Variants in ZNF248 observed in about 807,000 individuals in gnomAD.
ZNF248 encodes the protein zinc finger protein 248.
ZNF248 carries 20 observed loss-of-function variants against 44.3 expected under a neutral mutation model. That is an observed-to-expected ratio of 0.45 (90% CI 0.32 to 0.66). The LOEUF is 0.66. Among genes scored for constraint, ZNF248 ranks in the 30% least tolerant of loss-of-function variants. ZNF248 has a pLI of 0.04. For missense variants in ZNF248, 654 were observed against 677.0 expected, an observed-to-expected ratio of 0.97 and a Z score of 0.38; for synonymous variants, 224 against 229.0, an observed-to-expected ratio of 0.98 and a Z score of 0.20.
chr10:37,856,872 T>C, intron 1 of ZNF248: 1 of 239,718 alleles, frequency 4.2e-6, no homozygotes, highest in Non-Finnish European at 6.7e-6. Flanking sequence ...ACTTCTAATC[T>C]CAGTTCTGCC....
chr10:37,773,988 TAC>T (rs139568981), downstream of ZNF248, among the ~76,000 whole-genome samples: 160 of 148,902 alleles, frequency 1.1e-3, no homozygotes, highest in African/African-American at 3.1e-3. Flanking sequence ...TGAAAATGAA[TAC>T]ACACACACAC....
Position 37,829,011 on chromosome 10 carries a change from T to G in ZNF248, c.*2604A>C, listed in dbSNP as rs1393127141. On this transcript the variant is annotated 3_prime_UTR_variant, in exon 6 of 6. Coordinates refer to ENST00000395867, the MANE Select transcript of ZNF248 (RefSeq NM_021045.3). ...ACTTTATTTCTAACACTGAGCCTTCTACATAGGAATTTACAGAAATGAATA... is the reference window on the plus strand; with the variant it reads ...ACTTTATTTCTAACACTGAGCCTTCGACATAGGAATTTACAGAAATGAATA... 1.0e-6 allele frequency: 1 copy of G among 985,370 alleles called. No individual in the cohort carries two copies. The highest frequency in any genetic ancestry group is 4.7e-5 in the South Asian group (1 of 21,296). 61.0% of individuals were successfully genotyped at this position (985,370 alleles called of 1,614,324 possible). A position where few individuals can be genotyped will look rare whatever the true frequency, so the allele number is the denominator to read the frequency against.
intron 6 of ZNF248, among the ~76,000 whole-genome samples, chr10:37,817,199 G>C (rs2052627776): frequency 6.6e-6 from 1 of 152,106 alleles, no homozygotes; most frequent in Non-Finnish European, 1.5e-5. Flanking sequence ...TTGTCATATT[G>C]ACCTGGGAGG....
chr10:37,823,402 A>T (rs1360586750), intron 6 of ZNF248, among the ~76,000 whole-genome samples: 1 of 151,536 alleles, frequency 6.6e-6, no homozygotes, highest in East Asian at 1.9e-4. Flanking sequence ...TAACAAAAAA[A>T]TGAAACGTAT....
rs1278906579 is a variant in ZNF248 at position 37,790,661 on chromosome 10, GA to G, written c.331-14087del. ...GGAGGCAGTGGTTGCAGTGAGCCGAGATGGCATCACTGCACTCCAGCCTGGC... is the reference window on the plus strand; with the variant it reads ...GGAGGCAGTGGTTGCAGTGAGCCGAGTGGCATCACTGCACTCCAGCCTGGC... On this transcript the variant is annotated intron_variant, in intron 6 of 6. Coordinates refer to the ZNF248 transcript ENST00000615949. Among the ~76,000 whole-genome samples the G allele has an allele frequency of 9.2e-5, 14 of 152,014 alleles. No individual in the cohort carries two copies. In the East Asian group the frequency reaches 2.7e-3, roughly 29 times the overall value.
In ZNF248 at chr10:37,832,188, G is replaced by C. The variant is rs1334025704; in HGVS notation, c.1167C>G (p.Phe389Leu). ...TFECGECGKT[F>L]WEKSNLTQHQ... is the part of the protein sequence containing the mutation. ...GTTGAGTGAGGTTTGACTTCTCCCA[G>C]AAGGTTTTCCCACATTCACCACATT... The change falls in exon 6 of 6, where the codon TTC becomes TTG. Residue 389 changes from phenylalanine to leucine, a missense_variant. By Grantham distance (22) the Phe-to-Leu change is conservative. Transcript: ENST00000395867. 6.2e-7 allele frequency: 1 copy of C among 1,614,086 alleles called. No individual in the cohort carries two copies. The highest frequency in any genetic ancestry group is 8.5e-7 in the Non-Finnish European group (1 of 1,179,982).
chr10:37,852,665 A>G (rs1006318790), intron 3 of ZNF248, among the ~76,000 whole-genome samples: 3 of 149,262 alleles, frequency 2.0e-5, no homozygotes, highest in African/African-American at 7.3e-5. Context: ...ATATAGATAC[A>G]ATATATATTT....
At chr10:37,777,790 GT>G (rs1564449623) in intron 6 of ZNF248, among the ~76,000 whole-genome samples, 1 of 149,998 alleles carries the variant, frequency 6.7e-6, no homozygotes, top group Non-Finnish European at 1.5e-5. Context: ...GCGGTGTTTG[GT>G]TTTTTGTTCT....
rs1196204770 is a variant in ZNF248, at chr10:37,804,870, T to C, written c.330+28155A>G. On this transcript the variant is annotated intron_variant, in intron 6 of 6. Transcript: ENST00000615949. ...AGCAATGGAGTTCATTCTTCTTTAA[T>C]AGCTAAATAATTGTATAATGATAAT... is the stretch of plus-strand genomic sequence containing the variant. 2.6e-5 allele frequency among the ~76,000 whole-genome samples: 4 copies of C among 152,340 alleles called. No homozygotes were observed. In the East Asian group the frequency reaches 7.7e-4, roughly 29 times the overall value.
intron 6 of ZNF248, chr10:37,820,871 A>G (rs2053351042): frequency 1.6e-5 from 20 of 1,270,184 alleles, no homozygotes; most frequent in Non-Finnish European, 2.3e-5. Context: ...TTCTTCTTGC[A>G]TATTTATTGT....
intron 6 of ZNF248, chr10:37,820,588 A>T: frequency 6.3e-7 from 1 of 1,596,976 alleles, no homozygotes; most frequent in Non-Finnish European, 8.6e-7. Context: ...ACTCAAAGTA[A>T]TCACTAATTT....
At chr10:37,777,595 T>C (rs1427440354) in intron 6 of ZNF248, among the ~76,000 whole-genome samples, 1 of 151,390 alleles carries the variant, frequency 6.6e-6, no homozygotes, top group African/African-American at 2.4e-5. Flanking sequence ...GCAGGTTAGT[T>C]ACATATGTAT....
At chr10:37,818,187 A>G (rs1227093925) in intron 6 of ZNF248, among the ~76,000 whole-genome samples, 1 of 152,148 alleles carries the variant, frequency 6.6e-6, no homozygotes, top group Admixed American at 6.5e-5. Context: ...AAGTGCTGAG[A>G]TTACAGGCAT....
At chr10:37,839,489 T>C (rs534389001) in intron 3 of ZNF248, among the ~76,000 whole-genome samples, 1 of 148,774 alleles carries the variant, frequency 6.7e-6, no homozygotes, top group Admixed American at 6.9e-5. Flanking sequence ...AAGACACCTC[T>C]TATACATGTA....
chr10:37,758,764 G>A, the ZNF248 span, among the ~76,000 whole-genome samples: 1 of 152,188 alleles, frequency 6.6e-6, no homozygotes, highest in Non-Finnish European at 1.5e-5. Context: ...TATCTTTTGA[G>A]ATATTTCTAC....
chr10:37,823,266 G>A (rs746415989), intron 6 of ZNF248, among the ~76,000 whole-genome samples: 10 of 147,300 alleles, frequency 6.8e-5, no homozygotes, highest in African/African-American at 1.3e-4. Context: ...CCTGGGAGGC[G>A]GAGGTTGCAG....
At chr10:37,814,264 CA>C (rs375792446) in intron 6 of ZNF248, among the ~76,000 whole-genome samples, 1 of 152,024 alleles carries the variant, frequency 6.6e-6, no homozygotes, top group African/African-American at 2.4e-5. Flanking sequence ...CAATAACATA[CA>C]AAAAACTCCG....
intron 6 of ZNF248, among the ~76,000 whole-genome samples, chr10:37,805,463 A>C (rs941401968): frequency 2.0e-5 from 3 of 152,200 alleles, no homozygotes; most frequent in African/African-American, 7.2e-5. Context: ...TAACTTACAT[A>C]ATTAGGGACT....
At chr10:37,772,509 G>T (rs147153657), downstream of ZNF248, among the ~76,000 whole-genome samples, 2 of 152,326 alleles carry the variant, frequency 1.3e-5, no homozygotes, top group African/African-American at 4.8e-5. Flanking sequence ...TATAAGCACA[G>T]TGGAGGCTGA....
Sources: gnomAD v4.1 joint callset for allele counts (sites outside exome capture counted in the v4.1 genomes callset) on GRCh38, gnomAD v4.1.1 for gene constraint, MANE v1.5 for transcripts, NCBI Gene and HGNC (gene_info 2026-07-23, HGNC 2026-07-21) for gene names.